The following NEDD9 variants were observed in gnomAD, a reference collection of about 807,000 sequenced individuals.
The protein encoded by NEDD9 is enhancer of filamentation 1.
NEDD9 carries 26 observed loss-of-function variants against 76.6 expected under a neutral mutation model. The observed-to-expected ratio is 0.34, with a 90% CI of 0.25 to 0.47. The LOEUF (loss-of-function observed/expected upper bound fraction) is 0.47. Among genes scored for constraint, NEDD9 ranks in the 20% least tolerant of loss-of-function variants. The pLI is 1.00. For missense variants in NEDD9, 937 were observed against 1,058.5 expected, an observed-to-expected ratio of 0.89 and a Z score of 1.59; for synonymous variants, 392 against 414.2, an observed-to-expected ratio of 0.95 and a Z score of 0.65.
chr6:11,314,664 T>A (rs574691347), intron 2 of NEDD9, among the ~76,000 whole-genome samples: 95 of 152,324 alleles, frequency 6.2e-4, no homozygotes, highest in African/African-American at 2.2e-3. Context: ...GTTTCTCTAG[T>A]CTGATATCTG....
At chr6:11,266,721 G>C (rs1262783970) in intron 3 of NEDD9, among the ~76,000 whole-genome samples, 2 of 152,204 alleles carry the variant, frequency 1.3e-5, no homozygotes, top group African/African-American at 4.8e-5. Context: ...GTCTAAGCCA[G>C]GATAGTTGTA....
intron 3 of NEDD9, among the ~76,000 whole-genome samples, chr6:11,292,879 C>T (rs1252598357): frequency 6.6e-6 from 1 of 152,122 alleles, no homozygotes; most frequent in Non-Finnish European, 1.5e-5. Flanking sequence ...AGCTCAGCCT[C>T]AAGCAGAGGG....
chr6:11,325,207 T>C (rs1761896832), intron 2 of NEDD9, among the ~76,000 whole-genome samples: 1 of 151,904 alleles, frequency 6.6e-6, no homozygotes, highest in Admixed American at 6.6e-5. Context: ...ATACAAAAAT[T>C]AGCAGGGTGT....
chr6:11,328,165 CTGGGAGTGCGTGCAT>C (rs942714673), intron 2 of NEDD9, among the ~76,000 whole-genome samples: 5 of 152,164 alleles, frequency 3.3e-5, no homozygotes, highest in Non-Finnish European at 5.9e-5. Flanking sequence ...CACGTGGTGC[CTGGGAGTGCGTGCAT>C]TGGTGGGTGG....
intron 1 of NEDD9, among the ~76,000 whole-genome samples, chr6:11,215,802 A>G (rs1758937644): frequency 6.6e-6 from 1 of 152,184 alleles, no homozygotes; most frequent in South Asian, 2.1e-4. Flanking sequence ...TATACTGGCT[A>G]CAAAGAAGGG....
At position 11,198,626 on chromosome 6, in the gene NEDD9, C is replaced by T. The variant is rs1312567449; in HGVS notation, c.460-4934G>A. On this transcript the variant is annotated intron_variant, in intron 2 of 6. Coordinates refer to ENST00000379446, the MANE Select transcript of NEDD9 (RefSeq NM_006403.4). This position sits in a 1 kb window ranked among gnomAD's most constrained non-coding sequence, Gnocchi z 4.7. ...GTTTGACGGTCTTGATGCATCTCAT[C>T]TCTTCTTCCAGCATTTTAAAGTCAG... 1 of 152,248 alleles carries T rather than the reference C, an allele frequency of 6.6e-6. No homozygotes were observed. The highest frequency in any genetic ancestry group is 1.5e-5 in the Non-Finnish European group (1 of 68,064). 9.4% of individuals were successfully genotyped at this position (152,248 alleles called of 1,614,324 possible).
chr6:11,308,409 A>G lies in NEDD9; in HGVS notation c.-152-2254T>C, dbSNP rs552283786. On this transcript the variant is annotated intron_variant, in intron 2 of 3. Transcript: ENST00000397378. ...TTTTGATACGAAGTCTGGCTCTGTC[A>G]CCCAGGCTGGAGTGCAGTGGCGCAA... Among the ~76,000 whole-genome samples, 103 of 120,382 alleles carry G rather than the reference A, an allele frequency of 8.6e-4. 1 individual carries two copies. In the East Asian group the frequency reaches 0.017, roughly 20 times the overall value. The allele number at this position is 120,382 out of a possible 152,430, so 79.0% of individuals were successfully genotyped here. A position where few individuals can be genotyped will look rare whatever the true frequency, so the allele number is the denominator to read the frequency against.
intron 1 of NEDD9, among the ~76,000 whole-genome samples, chr6:11,368,468 C>T (rs995416655): frequency 3.3e-5 from 5 of 152,164 alleles, no homozygotes; most frequent in African/African-American, 1.2e-4. Context: ...AACAAATGAT[C>T]GCCATGGTTT....
At chr6:11,189,237 G>A (rs1290780159) in intron 5 of NEDD9, among the ~76,000 whole-genome samples, 8 of 152,082 alleles carry the variant, frequency 5.3e-5, no homozygotes, top group South Asian at 2.1e-4. Flanking sequence ...GAGCCACTGC[G>A]CCCAGCCAGT....
chr6:11,343,857 A>G (rs1430816302), intron 1 of NEDD9, among the ~76,000 whole-genome samples: 1 of 152,216 alleles, frequency 6.6e-6, no homozygotes, highest in African/African-American at 2.4e-5. Flanking sequence ...AGGGTATTAA[A>G]CATAGACTAA....
chr6:11,380,798 GTCTTCT>G (rs148561911), intron 1 of NEDD9, among the ~76,000 whole-genome samples: 149 of 150,678 alleles, frequency 9.9e-4, no homozygotes, highest in African/African-American at 2.4e-3. Flanking sequence ...CCTAGTCATC[GTCTTCT>G]TCTTCTTCTT....
intron 1 of NEDD9, among the ~76,000 whole-genome samples, chr6:11,378,899 T>C (rs1763013021): frequency 6.6e-6 from 1 of 152,222 alleles, no homozygotes; most frequent in Non-Finnish European, 1.5e-5. Context: ...CATCGGAGCC[T>C]CATGGATTCT....
chr6:11,374,161 A>G (rs991443547), intron 1 of NEDD9, among the ~76,000 whole-genome samples: 1 of 152,200 alleles, frequency 6.6e-6, no homozygotes, highest in African/African-American at 2.4e-5. Context: ...TGCTCACTCA[A>G]TGAATCAATC....
At chr6:11,291,357 C>T (rs965118591) in intron 3 of NEDD9, among the ~76,000 whole-genome samples, 4 of 146,462 alleles carry the variant, frequency 2.7e-5, no homozygotes, top group South Asian at 2.1e-4. Context: ...TCACTGCAAG[C>T]TCCGCCTCCC....
At chr6:11,338,099 T>A (rs185779365) in intron 1 of NEDD9, among the ~76,000 whole-genome samples, 109 of 152,290 alleles carry the variant, frequency 7.2e-4, no homozygotes, top group African/African-American at 2.5e-3. Context: ...GAATGTCATC[T>A]TATCTGGAAA....
At chr6:11,227,947 G>A (rs140188458) in intron 1 of NEDD9, among the ~76,000 whole-genome samples, 5 of 152,154 alleles carry the variant, frequency 3.3e-5, no homozygotes, top group African/African-American at 4.8e-5. Flanking sequence ...TCATGTAAAC[G>A]CAAACAGAGA....
In NEDD9 at chr6:11,332,956, G is replaced by A. The variant is rs184595477; in HGVS notation, c.-153+1545C>T. ...ATGTCAGCTCAGCACATAGATATAT[G>A]AGGAGTCCCACGGTTTCCCATAAGC... is the stretch of plus-strand genomic sequence containing the variant. On this transcript the variant is annotated intron_variant, in intron 2 of 3. Coordinates refer to the NEDD9 transcript ENST00000397378. Among the ~76,000 whole-genome samples the A allele has an allele frequency of 2.8e-3, 432 of 151,878 alleles. 6 individuals carry two copies. The highest frequency in any genetic ancestry group is 9.8e-3 in the African/African-American group (404 of 41,366).
intron 3 of NEDD9, among the ~76,000 whole-genome samples, chr6:11,300,340 C>T (rs553544076): frequency 3.3e-5 from 5 of 152,108 alleles, no homozygotes; most frequent in African/African-American, 9.7e-5. Context: ...ATGAACAAAG[C>T]CTCCAGGAAA....
At chr6:11,311,406 C>A (rs533949362) in intron 2 of NEDD9, among the ~76,000 whole-genome samples, 4 of 152,158 alleles carry the variant, frequency 2.6e-5, no homozygotes, top group Non-Finnish European at 5.9e-5. Context: ...AGCCACCAAC[C>A]CTACCGACCC....
Sources: allele counts gnomAD v4.1 joint callset (sites outside exome capture counted in the v4.1 genomes callset), GRCh38; gene constraint gnomAD v4.1.1; non-coding constraint Gnocchi (gnomAD v3.1); transcripts MANE v1.5; gene names NCBI Gene and HGNC (gene_info 2026-07-23, HGNC 2026-07-21).